The following PPFIBP2 variants were observed in gnomAD, a reference collection of about 807,000 sequenced individuals.
PPFIBP2 encodes the protein liprin-beta-2.
Under a neutral mutation model 118.3 loss-of-function variants are expected in PPFIBP2, and 118 were observed. The observed-to-expected ratio is 1.00, with a 90% CI of 0.86 to 1.16. The LOEUF is 1.16. Ranked by LOEUF, PPFIBP2 falls within the 50% of genes most tolerant of loss-of-function variation. PPFIBP2 has a pLI of 0.00. For synonymous variants in PPFIBP2, 414 were observed against 397.4 expected (o/e 1.04, Z -0.50); for missense variants, 1,195 against 1,073.1 (o/e 1.11, Z -1.59).
rs899322986 is a variant in PPFIBP2 at position 7,616,102 on chromosome 11, A to G, written c.619-4833A>G. Among the ~76,000 whole-genome samples the G allele has an allele frequency of 6.6e-6, 1 of 152,194 alleles. No homozygotes were observed. The highest frequency in any genetic ancestry group is 1.5e-5 in the Non-Finnish European group (1 of 68,024). On this transcript the variant is annotated intron_variant, in intron 6 of 23. Transcript: ENST00000299492. This position sits in a 1 kb window ranked among gnomAD's most constrained non-coding sequence, Gnocchi z 5.2. ...TCAGGAAGGGGACATCCGAAACTAA[A>G]GGACAATGCTGAGGACAACACAAAG...
chr11:7,649,454 C>A, intron 20 of PPFIBP2, 78 bp from the exon 21 acceptor site: 1 of 1,571,618 alleles, frequency 6.4e-7, no homozygotes, highest in Non-Finnish European at 8.7e-7. Context: ...CTTGTCTATG[C>A]TTGGTCTGGT....
At chr11:7,550,128 A>G (rs1341691386) in intron 2 of PPFIBP2, among the ~76,000 whole-genome samples, 1 of 152,360 alleles carries the variant, frequency 6.6e-6, no homozygotes, top group African/African-American at 2.4e-5. Context: ...AGGACTATCA[A>G]TTAGCTGTTC....
chr11:7,551,335 T>C (rs1564963601), intron 2 of PPFIBP2, among the ~76,000 whole-genome samples: 2 of 152,166 alleles, frequency 1.3e-5, no homozygotes, highest in African/African-American at 4.8e-5. Flanking sequence ...ACCTCTTTGA[T>C]GGTTGTCAGG....
At chr11:7,516,504 G>C (rs1849238671) in intron 1 of PPFIBP2, among the ~76,000 whole-genome samples, 1 of 152,088 alleles carries the variant, frequency 6.6e-6, no homozygotes, top group Non-Finnish European at 1.5e-5. Context: ...GTTTATGAAA[G>C]GTTCTTGTAT....
At chr11:7,651,218 G>T (rs1309505051) in intron 22 of PPFIBP2, 3 of 396,222 alleles carry the variant, frequency 7.6e-6, no homozygotes, top group African/African-American at 6.6e-5. Flanking sequence ...GGGTTGCATG[G>T]AGACCAACGC....
intron 17 of PPFIBP2, 165 bp from the exon 18 acceptor site, chr11:7,648,222 G>A (rs1270077136): frequency 3.0e-6 from 2 of 672,832 alleles, no homozygotes; most frequent in Non-Finnish European, 4.9e-6. Flanking sequence ...TGAGTGTGTT[G>A]TAGTGGAATT....
intron 5 of PPFIBP2, chr11:7,597,932 T>C (rs1565029200): frequency 1.7e-5 from 7 of 405,218 alleles, no homozygotes; most frequent in Non-Finnish European, 2.7e-5. Context: ...CAGACAGCAC[T>C]TTCTCCAGAC....
intron 3 of PPFIBP2, among the ~76,000 whole-genome samples, chr11:7,568,405 A>G (rs1369274796): frequency 6.6e-6 from 1 of 152,206 alleles, no homozygotes; most frequent in Non-Finnish European, 1.5e-5. Context: ...ATGTCCTTAC[A>G]AGACACAACT....
intron 5 of PPFIBP2, 145 bp downstream of exon 5, chr11:7,597,818 T>A: frequency 1.5e-6 from 1 of 664,274 alleles, no homozygotes; most frequent in South Asian, 1.9e-5. Context: ...ACGGTGTTTA[T>A]ACAGCAGGTG....
At chr11:7,559,068 G>T (rs371042594) in intron 2 of PPFIBP2, among the ~76,000 whole-genome samples, 1 of 152,152 alleles carries the variant, frequency 6.6e-6, no homozygotes, top group Admixed American at 6.5e-5. Flanking sequence ...TTGTAAAACC[G>T]CTCAGGTGAC....
rs145794393 is a variant in PPFIBP2, at chr11:7,593,190, G to C, written c.338G>C (p.Arg113Pro). The change falls in exon 4 of 24, where the codon CGT (arginine) becomes CCT (proline). Residue 113 changes from arginine to proline, a missense_variant. Transcript: ENST00000299492. Reference sequence around the variant, plus strand: ...GAAACCTACCAGGAACGCTTGGCACGTCTAGAAGGGGATAAGGAGTCCCTC... The same window carrying C: ...GAAACCTACCAGGAACGCTTGGCACCTCTAGAAGGGGATAAGGAGTCCCTC... ...SNETYQERLA[R>P]LEGDKESLIL... 1 of 1,614,018 alleles carries C rather than the reference G, an allele frequency of 6.2e-7. No individual in the cohort carries two copies. Among genetic ancestry groups the C allele is most frequent in the South Asian group, 1.1e-5 (1 of 91,080 alleles).
chr11:7,633,401 G>A lies in PPFIBP2; in HGVS notation c.1136+467G>A, dbSNP rs897696123. Among the ~76,000 whole-genome samples, 4 of 152,138 alleles carry A rather than the reference G, an allele frequency of 2.6e-5. No homozygotes were observed. The East Asian group carries it at 5.8e-4, about 22-fold the overall frequency. On this transcript the variant is annotated intron_variant, in intron 12 of 23. Transcript: ENST00000299492. ...ACAACAATGAACTAATAATGGGCTCGCCTCTGAGGTCATTTGACTGCCATC... is the reference window on the plus strand; with the variant it reads ...ACAACAATGAACTAATAATGGGCTCACCTCTGAGGTCATTTGACTGCCATC...
intron 7 of PPFIBP2, 138 bp from the exon 8 acceptor site, chr11:7,625,638 AG>A: frequency 1.5e-6 from 1 of 654,644 alleles, no homozygotes; most frequent in Non-Finnish European, 2.7e-6. Context: ...GAGGGCAGTG[AG>A]CCCCTGCTCC....
intron 14 of PPFIBP2, among the ~76,000 whole-genome samples, chr11:7,636,160 T>A (rs1278351618): frequency 1.3e-5 from 2 of 152,202 alleles, no homozygotes; most frequent in African/African-American, 2.4e-5. Flanking sequence ...TTTATAACAT[T>A]ATATGGAAAA....
chr11:7,558,049 T>C (rs1176619540), intron 2 of PPFIBP2, among the ~76,000 whole-genome samples: 2 of 152,232 alleles, frequency 1.3e-5, no homozygotes, highest in African/African-American at 2.4e-5. Flanking sequence ...GTACAAAATA[T>C]ATATTTTGCA....
intron 2 of PPFIBP2, among the ~76,000 whole-genome samples, chr11:7,559,127 C>T (rs1017227855): frequency 6.6e-6 from 1 of 152,198 alleles, no homozygotes; most frequent in Non-Finnish European, 1.5e-5. Flanking sequence ...CTAAATACTG[C>T]TTTGTTGCTC....
At position 7,634,477 on chromosome 11, in the gene PPFIBP2, C is replaced by G. The variant is rs1003275594; in HGVS notation, c.1137-18C>G. Reference sequence around the variant, plus strand: ...ACCTCCTTCTCATAACTATTTCTTTCTTTTGTGTTTTTTTCAGGGCTCAGA... The same window carrying G: ...ACCTCCTTCTCATAACTATTTCTTTGTTTTGTGTTTTTTTCAGGGCTCAGA... On this transcript the variant is annotated intron_variant, in intron 12 of 23. Coordinates refer to ENST00000299492, the MANE Select transcript of PPFIBP2 (RefSeq NM_003621.5). The G allele has an allele frequency of 1.9e-6, 3 of 1,591,334 alleles. No individual in the cohort carries two copies. The highest frequency in any genetic ancestry group is 2.6e-6 in the Non-Finnish European group (3 of 1,159,824).
At chr11:7,558,138 T>C (rs150663035) in intron 2 of PPFIBP2, among the ~76,000 whole-genome samples, 1 of 152,258 alleles carries the variant, frequency 6.6e-6, no homozygotes, top group East Asian at 1.9e-4. Flanking sequence ...GGTTTATTTC[T>C]TGTACACATT....
rs1324654185 is a variant in PPFIBP2, at chr11:7,616,475, G to A, written c.619-4460G>A. The stretch of plus-strand genomic sequence containing the variant: ...CTCAAGGAGTGAGTCTCGTCAGATT[G>A]GCCTTATCGGTTTGGCCGGGAATGT... On this transcript the variant is annotated intron_variant, in intron 6 of 23. Coordinates refer to ENST00000299492, the MANE Select transcript of PPFIBP2 (RefSeq NM_003621.5). The surrounding 1 kb of genome is among the most constrained non-coding windows in gnomAD (Gnocchi z 5.2). Among the ~76,000 whole-genome samples, 1 of 152,210 alleles carries A rather than the reference G, an allele frequency of 6.6e-6. No homozygotes were observed. The highest frequency in any genetic ancestry group is 2.4e-5 in the African/African-American group (1 of 41,448).
Sources: gnomAD v4.1 joint callset for allele counts (sites outside exome capture counted in the v4.1 genomes callset) on GRCh38, gnomAD v4.1.1 for gene constraint, Gnocchi (gnomAD v3.1) non-coding constraint, MANE v1.5 for transcripts, NCBI Gene and HGNC (gene_info 2026-07-23, HGNC 2026-07-21) for gene names.